The following NDST4 variants were observed in gnomAD, a reference collection of about 807,000 sequenced individuals.
NDST4 encodes the protein N-deacetylase and N-sulfotransferase 4, also known as N-heparan sulfate sulfotransferase 4.
In NDST4, 63 loss-of-function variants were observed where a neutral mutation model predicts 100.8. That is an observed-to-expected ratio of 0.62 (90% CI 0.51 to 0.77). The LOEUF (loss-of-function observed/expected upper bound fraction) is 0.77, where lower values mean the gene tolerates loss of function less well. Among genes scored for constraint, NDST4 ranks in the 30% least tolerant of loss-of-function variants. The pLI is 0.00. For missense variants in NDST4, 943 were observed against 1,018.4 expected (o/e 0.93, Z 1.01); for synonymous variants, 377 against 361.8 (o/e 1.04, Z -0.48).
intron 2 of NDST4, among the ~76,000 whole-genome samples, chr4:115,026,643 T>G (rs75237413): frequency 0.054 from 8,168 of 151,598 alleles, 728 homozygotes; most frequent in African/African-American, 0.19. Flanking sequence ...GAGACTTGTC[T>G]TTTTTTGCTC....
chr4:115,087,737 A>G (rs1383384370), intron 1 of NDST4, among the ~76,000 whole-genome samples: 1 of 151,884 alleles, frequency 6.6e-6, no homozygotes, highest in Admixed American at 6.6e-5. Context: ...TTTCCTGTTT[A>G]GATGTAATAT....
chr4:115,060,546 AGAG>A (rs1728797725), intron 2 of NDST4, among the ~76,000 whole-genome samples: 1 of 152,016 alleles, frequency 6.6e-6, no homozygotes, highest in African/African-American at 2.4e-5. Flanking sequence ...CAAGTAGGAT[AGAG>A]TTTCAATATT....
intron 6 of NDST4, among the ~76,000 whole-genome samples, chr4:114,906,047 C>T (rs1724941977): frequency 6.6e-6 from 1 of 151,874 alleles, no homozygotes; most frequent in Non-Finnish European, 1.5e-5. Flanking sequence ...AGCTTCAGAA[C>T]AGGAGAAATT....
rs1729187834 is a variant in NDST4, at chr4:115,076,547, A to T, written c.490T>A (p.Phe164Ile). 1 of 1,613,826 alleles carries T rather than the reference A, an allele frequency of 6.2e-7. No homozygotes were observed. The highest frequency in any genetic ancestry group is 8.5e-7 in the Non-Finnish European group (1 of 1,179,954). Residue 164 changes from phenylalanine to isoleucine, a missense_variant, in exon 2 of 14, where the codon TTT becomes ATT. By Grantham distance (21) the Phe-to-Ile change is conservative. Around this residue, in one of 2 missense-constraint regions of NDST4, gnomAD observed 417 missense variants for 384.2 expected, o/e 1.09. Transcript: ENST00000264363. ...AAGCTGTTCTCATTGGCTTTATGAA[A>T]ACCGATTATACTAACACTGTATTCC... The part of the protein sequence containing the change: ...CVEYSVSIIG[F>I]HKANENSLPS...
At chr4:114,905,042 C>T (rs1560805266) in intron 6 of NDST4, among the ~76,000 whole-genome samples, 1 of 151,566 alleles carries the variant, frequency 6.6e-6, no homozygotes, top group East Asian at 1.9e-4. Context: ...GATGAGCAAA[C>T]AAACAAACAA....
At chr4:114,981,944 G>A (rs895371981) in intron 2 of NDST4, among the ~76,000 whole-genome samples, 4 of 152,032 alleles carry the variant, frequency 2.6e-5, no homozygotes, top group African/African-American at 9.7e-5. Flanking sequence ...GTTTCTAAAG[G>A]TTTAGCACCA....
At chr4:114,900,817 T>G (rs970726484) in intron 6 of NDST4, among the ~76,000 whole-genome samples, 2 of 152,164 alleles carry the variant, frequency 1.3e-5, no homozygotes, top group Admixed American at 6.5e-5. Context: ...TTTTGCTGCA[T>G]CTCACAAATT....
chr4:114,897,843 T>A, intron 6 of NDST4, among the ~76,000 whole-genome samples: 1 of 152,196 alleles, frequency 6.6e-6, no homozygotes, highest in East Asian at 1.9e-4. Flanking sequence ...ATATTCTTAT[T>A]TGCCATCTGT....
chr4:115,033,671 T>C (rs547120099), intron 2 of NDST4, among the ~76,000 whole-genome samples: 1 of 152,084 alleles, frequency 6.6e-6, no homozygotes, highest in Non-Finnish European at 1.5e-5. Flanking sequence ...ATTAAGTGAA[T>C]AGTCATTAGT....
chr4:114,902,593 C>T (rs1724868262), intron 6 of NDST4, among the ~76,000 whole-genome samples: 1 of 151,944 alleles, frequency 6.6e-6, no homozygotes, highest in South Asian at 2.1e-4. Context: ...GTTCCTGGAT[C>T]TCTGGTTTGG....
intron 9 of NDST4, 139 bp downstream of exon 9, chr4:114,848,073 TATC>T (rs1264395459): frequency 7.4e-5 from 50 of 676,794 alleles, no homozygotes; most frequent in Non-Finnish European, 3.3e-5. Flanking sequence ...TGATTAAACA[TATC>T]ATCATTATAA....
chr4:114,937,288 C>G, intron 5 of NDST4, 30 bp downstream of exon 5: 1 of 1,607,628 alleles, frequency 6.2e-7, no homozygotes, highest in African/African-American at 1.3e-5. Flanking sequence ...ATATTAACAT[C>G]CTTCAATATA....
At chr4:115,102,704 C>CTT (rs751431042) in intron 1 of NDST4, among the ~76,000 whole-genome samples, 37 of 90,564 alleles carry the variant, frequency 4.1e-4, no homozygotes, top group African/African-American at 1.4e-3. Context: ...TTCTGACTTC[C>CTT]TTTTTTTTTT....
chr4:115,079,458 A>G (rs990400819), intron 1 of NDST4, among the ~76,000 whole-genome samples: 2 of 151,930 alleles, frequency 1.3e-5, no homozygotes, highest in African/African-American at 2.4e-5. Flanking sequence ...GATGATTCTG[A>G]CTTCAATGAA....
At chr4:114,892,745 G>A (rs1199841734) in intron 6 of NDST4, among the ~76,000 whole-genome samples, 1 of 151,682 alleles carries the variant, frequency 6.6e-6, no homozygotes, top group African/African-American at 2.4e-5. Flanking sequence ...TTTTGTGGGG[G>A]TGGGAGTTGG....
Position 115,062,779 on chromosome 4 carries a change from G to T in NDST4, c.978+13280C>A, listed in dbSNP as rs551994490. Among the ~76,000 whole-genome samples the T allele has an allele frequency of 2.0e-5, 3 of 151,944 alleles. No homozygotes were observed. The East Asian group carries it at 5.8e-4, about 29-fold the overall frequency. On this transcript the variant is annotated intron_variant, in intron 2 of 13. Transcript: ENST00000264363. ...GGAAAATATAAAAATTTTAATGTTT[G>T]ACAATACCAACATTGGAGATAGTAA...
intron 12 of NDST4, among the ~76,000 whole-genome samples, chr4:114,831,059 T>G (rs1248566083): frequency 1.3e-5 from 2 of 152,094 alleles, no homozygotes; most frequent in Non-Finnish European, 2.9e-5. Context: ...TTTCTTTTTT[T>G]TTTTGAGACG....
intron 2 of NDST4, among the ~76,000 whole-genome samples, chr4:115,066,226 T>C (rs1337787856): frequency 1.3e-5 from 2 of 152,240 alleles, no homozygotes; most frequent in African/African-American, 2.4e-5. Context: ...AAGGTATTAC[T>C]GGTATGTATT....
chr4:115,066,537 T>A (rs1158927613), intron 2 of NDST4, among the ~76,000 whole-genome samples: 1 of 152,164 alleles, frequency 6.6e-6, no homozygotes, highest in Non-Finnish European at 1.5e-5. Flanking sequence ...ACTGCCAAAA[T>A]ACATGAAAAT....
Sources: gnomAD v4.1 joint callset for allele counts (sites outside exome capture counted in the v4.1 genomes callset) on GRCh38, gnomAD v4.1.1 for gene constraint, gnomAD v4.1.1 regional missense constraint, MANE v1.5 for transcripts, NCBI Gene and HGNC (gene_info 2026-07-23, HGNC 2026-07-21) for gene names.